Variants in SEMA3D observed in about 807,000 individuals in gnomAD.
The protein encoded by SEMA3D is semaphorin-3D.
Under a neutral mutation model 100.1 loss-of-function variants are expected in SEMA3D, and 84 were observed. That is an observed-to-expected ratio of 0.84 (90% CI 0.70 to 1.01). SEMA3D has a LOEUF of 1.01. SEMA3D is among the 50% of genes least tolerant of loss of function. SEMA3D has a pLI of 0.00. For synonymous variants in SEMA3D, 312 were observed against 320.7 expected (o/e 0.97, Z 0.29); for missense variants, 875 against 934.1 (o/e 0.94, Z 0.82).
Position 85,050,072 on chromosome 7 carries a change from AACACACACACACACACAC to A in SEMA3D, c.861+5627_861+5644del, listed in dbSNP as rs55849524. Among the ~76,000 whole-genome samples, 396 of 137,018 alleles carry A rather than the reference AACACACACACACACACAC, an allele frequency of 2.9e-3. 2 individuals are homozygous for A. The highest frequency in any genetic ancestry group is 0.01 in the African/African-American group (369 of 36,712). 89.9% of individuals were successfully genotyped at this position (137,018 alleles called of 152,430 possible). On this transcript the variant is annotated intron_variant, in intron 9 of 18. Coordinates refer to ENST00000284136, the MANE Select transcript of SEMA3D (RefSeq NM_001384900.1). ...ACTTAAAAGGTGGGTCTTGAAGGGA[AACACACACACACACACAC>A]ACACACACACACACACACACACACA...
At chr7:85,182,043 T>C (rs1791424650) in intron 1 of SEMA3D, among the ~76,000 whole-genome samples, 1 of 152,182 alleles carries the variant, frequency 6.6e-6, no homozygotes, top group African/African-American at 2.4e-5. Context: ...TTGCAATTGT[T>C]TATCAGCGTA....
intron 1 of SEMA3D, among the ~76,000 whole-genome samples, chr7:85,156,504 G>A (rs1044158140): frequency 6.6e-6 from 1 of 152,066 alleles, no homozygotes; most frequent in Non-Finnish European, 1.5e-5. Flanking sequence ...ATTTTCCAGA[G>A]TATAAAGTTA....
intron 2 of SEMA3D, chr7:85,140,613 C>T (rs1790019115): frequency 2.2e-6 from 2 of 912,820 alleles, no homozygotes; most frequent in South Asian, 5.1e-5. Context: ...ATATAATAAT[C>T]ATATTATTTA....
At chr7:85,029,156 C>T in intron 12 of SEMA3D, 2 of 644,158 alleles carry the variant, frequency 3.1e-6, no homozygotes, top group Non-Finnish European at 5.8e-6. Flanking sequence ...AGGATAAAAA[C>T]CTACTTCGCA....
intron 8 of SEMA3D, among the ~76,000 whole-genome samples, chr7:85,060,967 G>A (rs1303004635): frequency 6.6e-6 from 1 of 152,106 alleles, no homozygotes; most frequent in African/African-American, 2.4e-5. Context: ...CATCTTCCAA[G>A]TGGTCACACT....
At chr7:85,113,037 G>A (rs1339301846) in intron 3 of SEMA3D, among the ~76,000 whole-genome samples, 3 of 152,080 alleles carry the variant, frequency 2.0e-5, no homozygotes, top group African/African-American at 7.2e-5. Flanking sequence ...ACAGACACCA[G>A]TGATTCCTGA....
intron 2 of SEMA3D, among the ~76,000 whole-genome samples, chr7:85,123,767 T>G (rs1789493982): frequency 6.6e-6 from 1 of 152,120 alleles, no homozygotes; most frequent in Non-Finnish European, 1.5e-5. Flanking sequence ...GTATATAATC[T>G]GTCAACATTT....
intron 15 of SEMA3D, among the ~76,000 whole-genome samples, chr7:85,015,918 G>T (rs1790087481): frequency 6.6e-6 from 1 of 151,638 alleles, no homozygotes; most frequent in Admixed American, 6.6e-5. Context: ...GGTGATACAA[G>T]TGAATAAGCC....
chr7:85,108,059 C>G lies in SEMA3D; in HGVS notation c.152-10094G>C, dbSNP rs115130320. Among the ~76,000 whole-genome samples, 1,164 of 152,092 alleles carry G rather than the reference C, an allele frequency of 7.7e-3. 19 individuals carry two copies. The highest frequency in any genetic ancestry group is 0.027 in the African/African-American group (1,118 of 41,500). ...TAAATTTTAAACTTCCTCCAGTGCTCAAAGTTCAATTTCATATCCAAATTC... is the reference window on the plus strand; with the variant it reads ...TAAATTTTAAACTTCCTCCAGTGCTGAAAGTTCAATTTCATATCCAAATTC... On this transcript the variant is annotated intron_variant, in intron 3 of 18. Coordinates refer to ENST00000284136, the MANE Select transcript of SEMA3D (RefSeq NM_001384900.1).
intron 18 of SEMA3D, among the ~76,000 whole-genome samples, chr7:85,002,673 G>A (rs1789685783): frequency 6.6e-6 from 1 of 152,150 alleles, no homozygotes; most frequent in Admixed American, 6.6e-5. Flanking sequence ...CACTCTAGAA[G>A]TGATAAGTAA....
At chr7:85,082,284 A>G (rs1265900155) in intron 4 of SEMA3D, among the ~76,000 whole-genome samples, 2 of 152,180 alleles carry the variant, frequency 1.3e-5, no homozygotes, top group Non-Finnish European at 2.9e-5. Context: ...CAACCATTAC[A>G]TAAGTCAAGG....
At chr7:85,148,932 C>T (rs1380311497) in intron 2 of SEMA3D, among the ~76,000 whole-genome samples, 1 of 151,790 alleles carries the variant, frequency 6.6e-6, no homozygotes, top group Non-Finnish European at 1.5e-5. Flanking sequence ...AAGCTTTTAA[C>T]TTAGTTAAAT....
intron 1 of SEMA3D, among the ~76,000 whole-genome samples, chr7:85,166,464 C>A (rs989404686): frequency 6.6e-6 from 1 of 151,844 alleles, no homozygotes; most frequent in Non-Finnish European, 1.5e-5. Flanking sequence ...AAAAAAAGAG[C>A]AAAGGAAAGT....
chr7:85,123,194 T>G, intron 2 of SEMA3D, among the ~76,000 whole-genome samples: 1 of 152,070 alleles, frequency 6.6e-6, no homozygotes, highest in East Asian at 1.9e-4. Context: ...CACCTAAGTC[T>G]TCCAGTGCTT....
At chr7:85,086,566 CG>C (rs935392120) in intron 4 of SEMA3D, among the ~76,000 whole-genome samples, 2 of 151,262 alleles carry the variant, frequency 1.3e-5, no homozygotes, top group African/African-American at 4.9e-5. Context: ...GTACAATATA[CG>C]CACATATATA....
At chr7:85,176,821 A>G (rs1272498807) in intron 1 of SEMA3D, among the ~76,000 whole-genome samples, 1 of 151,498 alleles carries the variant, frequency 6.6e-6, no homozygotes, top group Non-Finnish European at 1.5e-5. Flanking sequence ...GAGAGAATTG[A>G]CATTTAGAGA....
chr7:85,040,357 T>A (rs1238069222), intron 11 of SEMA3D, among the ~76,000 whole-genome samples: 2 of 152,066 alleles, frequency 1.3e-5, no homozygotes, highest in Non-Finnish European at 1.5e-5. Flanking sequence ...GGAAGGTATA[T>A]GCACAAGTTT....
At chr7:85,029,136 G>T in intron 12 of SEMA3D, 1 of 625,954 alleles carries the variant, frequency 1.6e-6, no homozygotes, top group Admixed American at 2.1e-5. Context: ...AGCCTAGCAT[G>T]TCATTGCCAA....
At chr7:85,029,218 A>C in intron 12 of SEMA3D, 1 of 718,468 alleles carries the variant, frequency 1.4e-6, no homozygotes, top group East Asian at 2.6e-5. Context: ...CATCAGATTG[A>C]AGTCACCTTT....
Sources: gnomAD v4.1 joint callset for allele counts (sites outside exome capture counted in the v4.1 genomes callset) on GRCh38, gnomAD v4.1.1 for gene constraint, MANE v1.5 for transcripts, NCBI Gene and HGNC (gene_info 2026-07-23, HGNC 2026-07-21) for gene names.